HAL: variants seen among roughly 807,000 people sequenced by gnomAD.
HAL encodes histidase.
A neutral mutation model predicts 81.1 loss-of-function variants in HAL; 85 were observed. That is an observed-to-expected ratio of 1.05 (90% CI 0.88 to 1.25). The LOEUF (loss-of-function observed/expected upper bound fraction) is 1.25. Ranked by LOEUF, HAL falls within the 50% of genes most tolerant of loss-of-function variation. The pLI is 0.00. For missense variants in HAL, 798 were observed against 836.6 expected (o/e 0.95, Z 0.57); for synonymous variants, 301 against 309.2 (o/e 0.97, Z 0.28).
chr12:95,980,183 G>T (rs1393446176), intron 17 of HAL, among the ~76,000 whole-genome samples: 5 of 152,014 alleles, frequency 3.3e-5, no homozygotes, highest in African/African-American at 1.2e-4. Context: ...TTAATTATAG[G>T]TTGGTTCAAG....
Position 95,976,438 on chromosome 12 carries a change from C to T in HAL, c.1824G>A (p.Leu608=), listed in dbSNP as rs1197608981. The change falls in exon 20 of 21, where the codon CTG becomes CTA. Residue 608 remains leucine, a synonymous_variant. Transcript: ENST00000261208. The stretch of plus-strand genomic sequence containing the variant: ...CAAGGAGCCAGCTTGCCTTCTGCTC[C>T]AGGAGCAGCCTGTGGGCTGCCTCGA... ...PDIEAAHRLL[L]EQKVWEVAAP... The T allele has an allele frequency of 6.2e-7, 1 of 1,613,562 alleles. No individual in the cohort carries two copies. Among genetic ancestry groups the T allele is most frequent in the East Asian group, 2.2e-5 (1 of 44,898 alleles).
At chr12:95,980,478 C>G in intron 17 of HAL, 78 bp downstream of exon 17, 3 of 1,373,382 alleles carry the variant, frequency 2.2e-6, no homozygotes. Context: ...TCACAGACCA[C>G]ATTTGATACT....
chr12:95,976,242 C>T, intron 20 of HAL, 187 bp downstream of exon 20: 2 of 655,062 alleles, frequency 3.1e-6, no homozygotes, highest in Non-Finnish European at 5.6e-6. Context: ...CCGTTGGCTG[C>T]ACCCTGGTGC....
rs139361462 is a variant in HAL at position 95,995,730 on chromosome 12, G to A, written c.181C>T (p.Leu61=). The A allele has an allele frequency of 6.1e-5, 99 of 1,613,700 alleles. No homozygotes were observed. In the Middle Eastern group the frequency reaches 6.6e-4, roughly 11 times the overall value. Reference sequence around the variant, plus strand: ...CGGTCCTCGTTGTCCAGCAGGCCCAGGCCCTTGCACCGGCGCACAAGGAAG... The same window carrying A: ...CGGTCCTCGTTGTCCAGCAGGCCCAAGCCCTTGCACCGGCGCACAAGGAAG... ...AHFLVRRCKG[L]GLLDNEDRLE... is the part of the protein sequence containing the mutation. Residue 61 remains leucine, a synonymous_variant, in exon 2 of 21, where the codon CTG becomes TTG. Transcript: ENST00000261208.
Position 95,995,938 on chromosome 12 carries a change from C to T in HAL, c.-28G>A. On this transcript the variant is annotated 5_prime_UTR_variant, in exon 2 of 21. Transcript: ENST00000261208. Reference sequence around the variant, plus strand: ...CTCCGCTGCAGCCTGAGGTCCTCAGCTGGTCACAGGAGGGGAGAGCTTTAT... The same window carrying T: ...CTCCGCTGCAGCCTGAGGTCCTCAGTTGGTCACAGGAGGGGAGAGCTTTAT... 6.2e-7 allele frequency: 1 copy of T among 1,600,136 alleles called. No individual in the cohort carries two copies.
rs937821390 is a variant in HAL at position 95,972,891 on chromosome 12, C to T, written c.*1341G>A. 6.6e-6 allele frequency: 1 copy of T among 152,174 alleles called. No homozygotes were observed. The highest frequency in any genetic ancestry group is 2.4e-5 in the African/African-American group (1 of 41,430). The allele number at this position is 152,174 out of a possible 1,614,324, so 9.4% of individuals were successfully genotyped here. A position where few individuals can be genotyped will look rare whatever the true frequency, so the allele number is the denominator to read the frequency against. ...AGCCCACGGATGACAATGCACAAAC[C>T]TCATTTGTGTGTGTTCACATTTTGA... is the stretch of plus-strand genomic sequence containing the variant. On this transcript the variant is annotated 3_prime_UTR_variant, in exon 21 of 21. Coordinates refer to ENST00000261208, the MANE Select transcript of HAL (RefSeq NM_002108.4).
intron 11 of HAL, among the ~76,000 whole-genome samples, chr12:95,987,471 A>G (rs879667930): frequency 3.9e-5 from 6 of 152,172 alleles, no homozygotes; most frequent in Non-Finnish European, 7.3e-5. Flanking sequence ...CAAAGCAGCA[A>G]TGCAGCTCTG....
At position 95,983,921 on chromosome 12, in the gene HAL, G is replaced by C. The variant is rs1565988698; in HGVS notation, c.1277C>G (p.Thr426Arg). The C allele has an allele frequency of 4.6e-6, 7 of 1,521,954 alleles. No individual in the cohort carries two copies. Among genetic ancestry groups the C allele is most frequent in the Non-Finnish European group, 6.4e-6 (7 of 1,096,974 alleles). The allele number at this position is 1,521,954 out of a possible 1,614,324, so 94.3% of individuals were successfully genotyped here. ...ACAATCAAAAGATACAGGATTATCT[G>C]TTGCGCTGTTCAGTTCTGTGGTAAT... ...NIITTELNSA[T>R]DNPMVFANRG... The change falls in exon 15 of 21, where the codon ACA (threonine) becomes AGA (arginine). Residue 426 changes from threonine to arginine, a missense_variant. Physicochemically the swap from Thr to Arg is moderately conservative, Grantham distance 71. Coordinates refer to ENST00000261208, the MANE Select transcript of HAL (RefSeq NM_002108.4).
intron 20 of HAL, among the ~76,000 whole-genome samples, chr12:95,975,799 G>A (rs1029632329): frequency 6.6e-6 from 1 of 152,102 alleles, no homozygotes; most frequent in Non-Finnish European, 1.5e-5. Context: ...CTGTTTTAAG[G>A]AAATCAAGCG....
Position 95,990,550 on chromosome 12 carries a change from A to G in HAL, c.716-18T>C, listed in dbSNP as rs1196917104. ...GCAGGAGGCTGGGAGAGAAGTAGGC[A>G]GCAATTAGTTCAAGAGTACTGCATT... On this transcript the variant is annotated intron_variant, in intron 9 of 20. Transcript: ENST00000261208. 1 of 1,611,384 alleles carries G rather than the reference A, an allele frequency of 6.2e-7. No homozygotes were observed. Among genetic ancestry groups the G allele is most frequent in the Non-Finnish European group, 8.5e-7 (1 of 1,177,784 alleles).
intron 17 of HAL, among the ~76,000 whole-genome samples, chr12:95,978,493 C>T (rs1019133401): frequency 2.6e-5 from 4 of 152,026 alleles, no homozygotes; most frequent in Non-Finnish European, 4.4e-5. Context: ...AAATCTTGGG[C>T]AAGAAGATTT....
At position 95,986,059 on chromosome 12, in the gene HAL, T is replaced by A; in HGVS notation, c.1147+6A>T. On this transcript the variant is annotated splice_donor_region_variant and intron_variant, in intron 13 of 20. Transcript: ENST00000261208. ...AAATAGGTCACTCCCATAAACATGG[T>A]CAGACCTGCTATTTCTGATGGGTGG... 1 of 1,602,826 alleles carries A rather than the reference T, an allele frequency of 6.2e-7. No homozygotes were observed. Among genetic ancestry groups the A allele is most frequent in the Non-Finnish European group, 8.5e-7 (1 of 1,169,730 alleles).
intron 9 of HAL, 94 bp from the exon 10 acceptor site, chr12:95,990,626 C>G: frequency 1.0e-6 from 1 of 973,636 alleles, no homozygotes; most frequent in Non-Finnish European, 1.7e-6. Flanking sequence ...CCGCAAACAC[C>G]CTGCCTCCAA....
intron 11 of HAL, 112 bp from the exon 12 acceptor site, chr12:95,987,326 TA>T: frequency 1.1e-6 from 1 of 873,192 alleles, no homozygotes; most frequent in Non-Finnish European, 2.0e-6. Flanking sequence ...GTCATAAACA[TA>T]AAAAATTATG....
intron 14 of HAL, among the ~76,000 whole-genome samples, chr12:95,985,208 T>G (rs1949866850): frequency 6.6e-6 from 1 of 152,208 alleles, no homozygotes. Flanking sequence ...TGGTTAAAGT[T>G]TCATCTTAAC....
At chr12:95,989,001 A>G (rs998882375) in intron 10 of HAL, among the ~76,000 whole-genome samples, 1 of 152,186 alleles carries the variant, frequency 6.6e-6, no homozygotes, top group Non-Finnish European at 1.5e-5. Flanking sequence ...GGAGTAGGCA[A>G]AATGAAGACA....
chr12:95,983,578 A>G (rs1949838374), intron 15 of HAL: 2 of 380,918 alleles, frequency 5.3e-6, no homozygotes, highest in South Asian at 5.7e-5. Flanking sequence ...TCACCCTTCC[A>G]CCAACAACCT....
Position 95,990,297 on chromosome 12 carries a change from G to A in HAL, c.855+96C>T, listed in dbSNP as rs1489126289. On this transcript the variant is annotated intron_variant, in intron 10 of 20. Coordinates refer to ENST00000261208, the MANE Select transcript of HAL (RefSeq NM_002108.4). ...TAAGGATAGTAGGAGCTCCCTCACTGGGCTGTTGTAAGGACTAGGTGATAC... is the reference window on the plus strand; with the variant it reads ...TAAGGATAGTAGGAGCTCCCTCACTAGGCTGTTGTAAGGACTAGGTGATAC... The A allele has an allele frequency of 9.2e-6, 9 of 974,598 alleles. No homozygotes were observed. The Admixed American group carries it at 1.5e-4, about 16-fold the overall frequency. 60.4% of individuals were successfully genotyped at this position (974,598 alleles called of 1,614,324 possible).
At position 95,995,012 on chromosome 12, in the gene HAL, G is replaced by C. The variant is rs1161793452; in HGVS notation, c.248-19C>G. ...TCTATAACTAAAACAATGCACGGGA[G>C]ACTCGTTACAGATCACATTGTACAG... On this transcript the variant is annotated intron_variant, in intron 2 of 20. Coordinates refer to ENST00000261208, the MANE Select transcript of HAL (RefSeq NM_002108.4). 3.2e-6 allele frequency: 5 copies of C among 1,577,154 alleles called. No individual in the cohort carries two copies. The highest frequency in any genetic ancestry group is 4.4e-6 in the Non-Finnish European group (5 of 1,146,606).
Sources: allele counts gnomAD v4.1 joint callset (sites outside exome capture counted in the v4.1 genomes callset), GRCh38; gene constraint gnomAD v4.1.1; transcripts MANE v1.5; gene names NCBI Gene and HGNC (gene_info 2026-07-23, HGNC 2026-07-21).